ABCG2: variants seen among roughly 807,000 people sequenced by gnomAD.
ABCG2 encodes the protein broad substrate specificity ATP-binding cassette transporter ABCG2.
In ABCG2, 80 loss-of-function variants were observed where a neutral mutation model predicts 73.5. The ratio of observed to expected loss-of-function variants is 1.09; its 90% CI spans 0.91 to 1.31. The LOEUF (loss-of-function observed/expected upper bound fraction) is 1.31. Ranked by LOEUF, ABCG2 falls within the 50% of genes most tolerant of loss-of-function variation. The pLI is 0.00. For synonymous variants in ABCG2, 269 were observed against 282.4 expected (o/e 0.95, Z 0.48); for missense variants, 796 against 786.2 (o/e 1.01, Z -0.15).
At position 88,123,675 on chromosome 4, in the gene ABCG2, A is replaced by G. The variant is rs1034154171; in HGVS notation, c.532-1883T>C. On this transcript the variant is annotated intron_variant, in intron 5 of 15. Transcript: ENST00000237612. ...GAAATATGGGACTATGTGAAAGGAC[A>G]AAACCTACGTTTTATTGGTGTACCT... is the stretch of plus-strand genomic sequence containing the variant. Among the ~76,000 whole-genome samples the G allele has an allele frequency of 5.3e-5, 8 of 152,298 alleles. No homozygotes were observed. The South Asian group carries it at 1.2e-3, about 24-fold the overall frequency.
intron 1 of ABCG2, among the ~76,000 whole-genome samples, chr4:88,170,593 A>G (rs1727719763): frequency 6.6e-6 from 1 of 152,242 alleles, no homozygotes; most frequent in African/African-American, 2.4e-5. Context: ...GGCACCTACT[A>G]GCCCCCTTGC....
intron 1 of ABCG2, among the ~76,000 whole-genome samples, chr4:88,171,288 A>AG (rs1437807828): frequency 2.6e-5 from 4 of 151,360 alleles, no homozygotes; most frequent in Non-Finnish European, 4.4e-5. Context: ...AAAAAAAAAA[A>AG]AAGAAAGGTT....
intron 1 of ABCG2, among the ~76,000 whole-genome samples, chr4:88,216,905 C>T (rs570323765): frequency 6.6e-5 from 10 of 152,020 alleles, no homozygotes; most frequent in African/African-American, 2.2e-4. Context: ...GTGGTGGGCA[C>T]CTGTAATCCC....
In ABCG2 at chr4:88,099,315, C is replaced by T; in HGVS notation, c.1492+9G>A. The T allele has an allele frequency of 1.9e-6, 3 of 1,580,638 alleles. No individual in the cohort carries two copies. Among genetic ancestry groups the T allele is most frequent in the African/African-American group, 1.4e-5 (1 of 73,454 alleles). ...AGACATGTCCTTTTTTGTTTTGTTA[C>T]ATACTTACCTAACATGAAGTACACT... On this transcript the variant is annotated intron_variant, in intron 12 of 15. Coordinates refer to ENST00000237612, the MANE Select transcript of ABCG2 (RefSeq NM_004827.3).
chr4:88,128,885 G>A (rs1382872105), intron 5 of ABCG2, among the ~76,000 whole-genome samples: 16 of 152,080 alleles, frequency 1.1e-4, no homozygotes, highest in Non-Finnish European at 1.0e-4. Flanking sequence ...AAACCTGCAC[G>A]TTCTGCACAT....
chr4:88,123,804 A>C (rs1487630421), intron 5 of ABCG2, among the ~76,000 whole-genome samples: 1 of 152,188 alleles, frequency 6.6e-6, no homozygotes, highest in Admixed American at 6.5e-5. Flanking sequence ...CTAATTCAGG[A>C]AATAAAGAGA....
In ABCG2 at chr4:88,131,102, C is replaced by A. The variant is rs770400816; in HGVS notation, c.490G>T (p.Val164Phe). The change falls in exon 5 of 16, where the codon GTC becomes TTC. Residue 164 changes from valine (V) to phenylalanine (F), a missense_variant. Transcript: ENST00000237612. ...NHEKNERINR[V>F]IQELGLDKVA... Reference sequence around the variant, plus strand: ...TTATCCAGACCTAACTCTTGAATGACCCTGTTAATCCGTTCGTTTTTTTCA... The same window carrying A: ...TTATCCAGACCTAACTCTTGAATGAACCTGTTAATCCGTTCGTTTTTTTCA... 1 of 1,613,986 alleles carries A rather than the reference C, an allele frequency of 6.2e-7. No homozygotes were observed.
intron 1 of ABCG2, among the ~76,000 whole-genome samples, chr4:88,164,467 A>C (rs1179385275): frequency 6.6e-6 from 1 of 152,176 alleles, no homozygotes; most frequent in Non-Finnish European, 1.5e-5. Context: ...CTGTTCTGAT[A>C]GTGAGTTCTC....
At chr4:88,092,514 C>A in intron 15 of ABCG2, 133 bp from the exon 16 acceptor site, 1 of 891,788 alleles carries the variant, frequency 1.1e-6, no homozygotes, top group Admixed American at 3.0e-5. Context: ...GATATCATAG[C>A]TAACAGTCAT....
upstream of ABCG2, among the ~76,000 whole-genome samples, chr4:88,160,864 A>C (rs1454464341): frequency 2.0e-5 from 3 of 150,954 alleles, no homozygotes; most frequent in South Asian, 4.2e-4. Context: ...AAAAAAAAAA[A>C]AAAAAAAACC....
intron 1 of ABCG2, among the ~76,000 whole-genome samples, chr4:88,156,328 T>C (rs1182617773): frequency 7.5e-6 from 1 of 133,518 alleles, no homozygotes; most frequent in East Asian, 2.2e-4. Context: ...TGAGCCGAGA[T>C]CGTGCCACTG....
chr4:88,160,102 G>A (rs45469391), upstream of ABCG2, among the ~76,000 whole-genome samples: 389 of 152,122 alleles, frequency 2.6e-3, no homozygotes, highest in African/African-American at 9.1e-3. Context: ...AGTTAGCTGG[G>A]TGTGGTGGCG....
At chr4:88,212,461 G>A (rs550428774) in intron 1 of ABCG2, among the ~76,000 whole-genome samples, 1 of 152,188 alleles carries the variant, frequency 6.6e-6, no homozygotes, top group Non-Finnish European at 1.5e-5. Context: ...CAGCACTCTG[G>A]CCTCTGACTA....
At position 88,118,257 on chromosome 4, in the gene ABCG2, C is replaced by A; in HGVS notation, c.693G>T (p.Met231Ile). 5 of 1,613,740 alleles carry A rather than the reference C, an allele frequency of 3.1e-6. No homozygotes were observed. Among genetic ancestry groups the A allele is most frequent in the Non-Finnish European group, 4.2e-6 (5 of 1,179,772 alleles). The change falls in exon 7 of 16, where the codon ATG (methionine) becomes ATT (isoleucine). Residue 231 changes from methionine (M) to isoleucine (I), a missense_variant. Met to Ile is a conservative substitution (Grantham distance 10, BLOSUM62 1). Transcript: ENST00000237612. ...AGATGATTGTTCGTCCCTGCTTAGA[C>A]ATCCTAAGTTAAAAGTGAGACAATA... ...ANAVLLLLKR[M>I]SKQGRTIIFS... is the part of the protein sequence containing the mutation.
chr4:88,190,060 A>G (rs1036874113), intron 1 of ABCG2, among the ~76,000 whole-genome samples: 3 of 152,228 alleles, frequency 2.0e-5, no homozygotes, highest in Non-Finnish European at 4.4e-5. Context: ...CAAAGAAGGC[A>G]TGGGGTGATT....
In ABCG2 at chr4:88,115,032, G is replaced by A. The variant is rs768903345; in HGVS notation, c.868C>T (p.Pro290Ser). 2 of 1,612,392 alleles carry A rather than the reference G, an allele frequency of 1.2e-6. No homozygotes were observed. The highest frequency in any genetic ancestry group is 2.2e-5 in the East Asian group (1 of 44,766). Residue 290 changes from proline to serine, a missense_variant, in exon 8 of 16, where the codon CCT (proline) becomes TCT (serine). Physicochemically the swap from Pro to Ser is moderately conservative, Grantham distance 74 (BLOSUM62 -1). Transcript: ENST00000237612. ...ATGATGTCCAAGAAGAAGTCTGCAGGGTTATTATAGGCCTCACAGTGATAA... is the reference window on the plus strand; with the variant it reads ...ATGATGTCCAAGAAGAAGTCTGCAGAGTTATTATAGGCCTCACAGTGATAA... ...AGYHCEAYNN[P>S]ADFFLDIING...
intron 1 of ABCG2, among the ~76,000 whole-genome samples, chr4:88,176,899 C>A (rs1475198388): frequency 1.3e-5 from 2 of 151,892 alleles, no homozygotes; most frequent in African/African-American, 2.4e-5. Flanking sequence ...TCTCTATGAG[C>A]CATATATGGT....
chr4:88,097,091 T>C (rs981584848), intron 13 of ABCG2, among the ~76,000 whole-genome samples: 1 of 152,134 alleles, frequency 6.6e-6, no homozygotes, highest in African/African-American at 2.4e-5. Context: ...AGCATGAAAG[T>C]CGGGCAAATA....
intron 7 of ABCG2, among the ~76,000 whole-genome samples, chr4:88,117,388 G>A (rs1036929038): frequency 2.0e-5 from 3 of 151,154 alleles, no homozygotes; most frequent in Non-Finnish European, 2.9e-5. Context: ...ATCCCAGCAC[G>A]TTGGGAGGCC....
Sources: gnomAD v4.1 joint callset for allele counts (sites outside exome capture counted in the v4.1 genomes callset) on GRCh38, gnomAD v4.1.1 for gene constraint, MANE v1.5 for transcripts, NCBI Gene and HGNC (gene_info 2026-07-23, HGNC 2026-07-21) for gene names.